The following TMEM17 variants were observed in gnomAD, a reference collection of about 807,000 sequenced individuals.
The protein encoded by TMEM17 is transmembrane protein 17.
A neutral mutation model predicts 19.1 loss-of-function variants in TMEM17; 15 were observed. That is an observed-to-expected ratio of 0.78 (90% CI 0.52 to 1.21). TMEM17 has a LOEUF of 1.21. Ranked by LOEUF, TMEM17 falls within the 50% of genes most tolerant of loss-of-function variation. The pLI, the probability that TMEM17 is intolerant of heterozygous loss-of-function variation, is 0.00. For missense variants in TMEM17, 245 were observed against 242.3 expected, an observed-to-expected ratio of 1.01 and a Z score of -0.07; for synonymous variants, 103 against 86.9, an observed-to-expected ratio of 1.19 and a Z score of -1.03.
chr2:62,502,230 G>A, intron 3 of TMEM17: 1 of 378,492 alleles, frequency 2.6e-6, no homozygotes. Context: ...AACCTGTGAA[G>A]TAAATATTAT....
rs1558723546 is a variant in TMEM17, at chr2:62,502,720, C to CCCA, written c.172_174dup (p.Trp58dup). The CCCA allele has an allele frequency of 6.2e-7, 1 of 1,609,612 alleles. No homozygotes were observed. Among genetic ancestry groups the CCCA allele is most frequent in the East Asian group, 2.2e-5 (1 of 44,804 alleles). ...ATGTGAAGCATCATAATGCTGCTCA[C>CCCA]CCACCACAGTGGGAAATAGTAGGTA... is the stretch of plus-strand genomic sequence containing the variant. On this transcript the variant is annotated inframe_insertion, in exon 2 of 4. Transcript: ENST00000335390.
chr2:62,466,915 A>G, the TMEM17 span, among the ~76,000 whole-genome samples: 1 of 152,038 alleles, frequency 6.6e-6, no homozygotes, highest in Non-Finnish European at 1.5e-5. Flanking sequence ...TATTGGCATC[A>G]CCTGGGGACT....
At chr2:62,482,603 C>T in the TMEM17 span, among the ~76,000 whole-genome samples, 17 of 152,180 alleles carry the variant, frequency 1.1e-4, no homozygotes, top group Non-Finnish European at 2.1e-4. Context: ...AATGGTCCAT[C>T]GATAGGCCTT....
At chr2:62,479,660 C>A in the TMEM17 span, among the ~76,000 whole-genome samples, 1 of 152,066 alleles carries the variant, frequency 6.6e-6, no homozygotes, top group Non-Finnish European at 1.5e-5. Flanking sequence ...CCGAGGCCAG[C>A]AGACTGCTTG....
the TMEM17 span, among the ~76,000 whole-genome samples, chr2:62,454,841 C>T: frequency 2.6e-5 from 4 of 152,154 alleles, no homozygotes; most frequent in Admixed American, 6.5e-5. Flanking sequence ...GTAGCTGGGA[C>T]TACAGGCACC....
At chr2:62,467,882 CCT>C in the TMEM17 span, among the ~76,000 whole-genome samples, 1 of 127,214 alleles carries the variant, frequency 7.9e-6, no homozygotes, top group Non-Finnish European at 1.7e-5. Context: ...TGCCATCTCT[CCT>C]TTTTTTTTTT....
chr2:62,468,143 C>T, the TMEM17 span, among the ~76,000 whole-genome samples: 1 of 152,176 alleles, frequency 6.6e-6, no homozygotes, highest in Non-Finnish European at 1.5e-5. Context: ...AGCCCCTTTC[C>T]ACTTCACCCC....
At chr2:62,499,865 C>T (rs1422808457), downstream of TMEM17, among the ~76,000 whole-genome samples, 2 of 152,198 alleles carry the variant, frequency 1.3e-5, no homozygotes, top group African/African-American at 2.4e-5. Context: ...TGTTCAGATA[C>T]ACCCAAGCAA....
the TMEM17 span, among the ~76,000 whole-genome samples, chr2:62,458,832 G>C: frequency 6.6e-5 from 10 of 152,186 alleles, no homozygotes; most frequent in Admixed American, 3.3e-4. Context: ...AGCTGTCTTG[G>C]ATGTGTTTGT....
chr2:62,501,668 T>C (rs1191624697), intron 3 of TMEM17, 181 bp from the exon 4 acceptor site: 5 of 602,040 alleles, frequency 8.3e-6, no homozygotes, highest in African/African-American at 1.9e-5. Context: ...AACTAATTCA[T>C]GTAAAACAAT....
chr2:62,469,423 G>T, the TMEM17 span, among the ~76,000 whole-genome samples: 1 of 152,232 alleles, frequency 6.6e-6, no homozygotes, highest in African/African-American at 2.4e-5. Context: ...TTCTTGCCAA[G>T]ATCTTTTCAG....
chr2:62,467,557 C>T, the TMEM17 span, among the ~76,000 whole-genome samples: 2 of 152,186 alleles, frequency 1.3e-5, no homozygotes, highest in African/African-American at 2.4e-5. Context: ...GCCAACTGAG[C>T]ACTTGTCTCT....
chr2:62,465,495 G>T, the TMEM17 span, among the ~76,000 whole-genome samples: 1 of 152,052 alleles, frequency 6.6e-6, no homozygotes, highest in South Asian at 2.1e-4. Flanking sequence ...CTCAGCAACC[G>T]GGTACAGTAG....
At chr2:62,471,008 C>A in the TMEM17 span, among the ~76,000 whole-genome samples, 1 of 152,296 alleles carries the variant, frequency 6.6e-6, no homozygotes, top group East Asian at 1.9e-4. Context: ...AGAGGCCACA[C>A]CAAGGGAATG....
At chr2:62,490,131 G>T in the TMEM17 span, among the ~76,000 whole-genome samples, 1 of 152,150 alleles carries the variant, frequency 6.6e-6, no homozygotes, top group Admixed American at 6.5e-5. Flanking sequence ...AGCTGAGATG[G>T]TGCCACTGCA....
At chr2:62,472,135 T>C in the TMEM17 span, among the ~76,000 whole-genome samples, 1,581 of 152,342 alleles carry the variant, frequency 0.01, 32 homozygotes, top group African/African-American at 0.036. Context: ...TTCGAGTTCT[T>C]TTTGGAAAAT....
chr2:62,484,116 T>A, the TMEM17 span, among the ~76,000 whole-genome samples: 1 of 152,276 alleles, frequency 6.6e-6, no homozygotes, highest in Non-Finnish European at 1.5e-5. Context: ...AATTTCACTT[T>A]TATTGCATTT....
At chr2:62,489,023 C>G in the TMEM17 span, among the ~76,000 whole-genome samples, 1 of 152,110 alleles carries the variant, frequency 6.6e-6, no homozygotes, top group African/African-American at 2.4e-5. Context: ...CCAGGTGACT[C>G]AAGGTTGGCA....
At chr2:62,456,218 C>T in the TMEM17 span, among the ~76,000 whole-genome samples, 1 of 152,242 alleles carries the variant, frequency 6.6e-6, no homozygotes, top group Non-Finnish European at 1.5e-5. Context: ...CATTTATTCT[C>T]TTTCAGTTCT....
Sources: allele counts gnomAD v4.1 joint callset (sites outside exome capture counted in the v4.1 genomes callset), GRCh38; gene constraint gnomAD v4.1.1; transcripts MANE v1.5; gene names NCBI Gene and HGNC (gene_info 2026-07-23, HGNC 2026-07-21).